Variants in CTNNA1 observed in about 807,000 individuals in gnomAD.
CTNNA1 encodes the protein catenin alpha 1, also known as catenin alpha-1.
In CTNNA1, 37 loss-of-function variants were observed where a neutral mutation model predicts 98.4. The observed-to-expected ratio is 0.38, with a 90% confidence interval of 0.29 to 0.49. The LOEUF (loss-of-function observed/expected upper bound fraction) is 0.49. CTNNA1 is among the 20% of genes least tolerant of loss of function. CTNNA1 has a pLI of 0.95. For missense variants in CTNNA1, 761 were observed against 1,147.2 expected (o/e 0.66, Z 4.86); for synonymous variants, 404 against 413.2 (o/e 0.98, Z 0.27).
chr5:138,841,406 C>G (rs1762258389), intron 7 of CTNNA1, among the ~76,000 whole-genome samples: 1 of 151,992 alleles, frequency 6.6e-6, no homozygotes, highest in Non-Finnish European at 1.5e-5. Context: ...ATTACAGGCG[C>G]CCGCTACCAC....
chr5:138,811,702 G>A (rs965078188), intron 4 of CTNNA1, among the ~76,000 whole-genome samples: 2 of 151,996 alleles, frequency 1.3e-5, no homozygotes, highest in Admixed American at 6.6e-5. Context: ...GATCACTCGC[G>A]GTTAGGAGCT....
chr5:138,771,051 A>T (rs2149605464), intron 1 of CTNNA1, among the ~76,000 whole-genome samples: 1 of 151,874 alleles, frequency 6.6e-6, no homozygotes, highest in African/African-American at 2.4e-5. Flanking sequence ...TTTTCTTCCT[A>T]GCTCTCATAC....
intron 11 of CTNNA1, among the ~76,000 whole-genome samples, chr5:138,924,285 T>G (rs554175473): frequency 1.0e-4 from 14 of 137,838 alleles, no homozygotes; most frequent in Non-Finnish European, 1.1e-4. Context: ...ATTTTTTGTT[T>G]TTTTTTTTTT....
chr5:138,904,490 T>C, intron 10 of CTNNA1, 49 bp downstream of exon 10: 1 of 1,584,158 alleles, frequency 6.3e-7, no homozygotes. Flanking sequence ...TAAATTTTGA[T>C]TCAAGTGGAG....
At chr5:138,828,100 T>C (rs1244137085) in intron 7 of CTNNA1, 1 of 185,690 alleles carries the variant, frequency 5.4e-6, no homozygotes, top group Admixed American at 5.3e-5. Flanking sequence ...GCTTCACCTC[T>C]AATATTTTAG....
Position 138,929,416 on chromosome 5 carries a change from CTT to C in CTNNA1, c.2010+61_2010+62del. The C allele has an allele frequency of 4.7e-6, 4 of 847,582 alleles. No individual in the cohort carries two copies. In the South Asian group the frequency reaches 5.6e-5, roughly 12 times the overall value. 52.5% of individuals were successfully genotyped at this position (847,582 alleles called of 1,614,324 possible). On this transcript the variant is annotated intron_variant, in intron 14 of 17. Coordinates refer to ENST00000302763, the MANE Select transcript of CTNNA1 (RefSeq NM_001903.5). Reference sequence around the variant, plus strand: ...GCTGCCGACTTTCCCTGTCCCCTTTCTTGTTTCCAGGAAAACACCCTCAGTAT... The same window carrying C: ...GCTGCCGACTTTCCCTGTCCCCTTTCGTTTCCAGGAAAACACCCTCAGTAT...
intron 10 of CTNNA1, among the ~76,000 whole-genome samples, chr5:138,908,999 T>C (rs1289235551): frequency 6.6e-6 from 1 of 152,128 alleles, no homozygotes; most frequent in Non-Finnish European, 1.5e-5. Context: ...TTTTAGTCTA[T>C]AGTAGCTGCT....
At chr5:138,789,949 A>T (rs971606087) in intron 3 of CTNNA1, among the ~76,000 whole-genome samples, 5 of 152,142 alleles carry the variant, frequency 3.3e-5, no homozygotes, top group Non-Finnish European at 7.4e-5. Flanking sequence ...TAGAAACTGA[A>T]ATTTGTCTCT....
chr5:138,756,780 C>T (rs949224573), intron 1 of CTNNA1, among the ~76,000 whole-genome samples: 2 of 152,040 alleles, frequency 1.3e-5, no homozygotes. Context: ...AAGACTCCTG[C>T]TAGTGCTTGG....
chr5:138,784,660 A>T (rs1161068857), intron 3 of CTNNA1, among the ~76,000 whole-genome samples: 1 of 152,220 alleles, frequency 6.6e-6, no homozygotes, highest in Non-Finnish European at 1.5e-5. Context: ...ATAGAAATTT[A>T]TTCTCTCATC....
chr5:138,760,153 C>T (rs1427764254), intron 1 of CTNNA1, among the ~76,000 whole-genome samples: 1 of 148,528 alleles, frequency 6.7e-6, no homozygotes, highest in East Asian at 2.1e-4. Context: ...GCCACCATGC[C>T]TGGCTAATTT....
chr5:138,904,276 A>C, intron 9 of CTNNA1, 73 bp from the exon 10 acceptor site: 1 of 1,507,954 alleles, frequency 6.6e-7, no homozygotes, highest in South Asian at 1.3e-5. Flanking sequence ...GGTCAGAGGT[A>C]GGGCCAGGTG....
At chr5:138,895,812 T>C (rs1756674288) in intron 9 of CTNNA1, among the ~76,000 whole-genome samples, 1 of 152,212 alleles carries the variant, frequency 6.6e-6, no homozygotes, top group African/African-American at 2.4e-5. Flanking sequence ...GAAATGAAAG[T>C]TGAACAAAAG....
chr5:138,796,499 G>A (rs1323987316), intron 3 of CTNNA1, among the ~76,000 whole-genome samples: 2 of 151,392 alleles, frequency 1.3e-5, no homozygotes, highest in Non-Finnish European at 2.9e-5. Context: ...AGCCTAGATC[G>A]CGCCACTGCA....
In CTNNA1 at chr5:138,904,552, G is replaced by A. The variant is rs529181199; in HGVS notation, c.1389+111G>A. 5.1e-5 allele frequency: 70 copies of A among 1,378,634 alleles called. No individual in the cohort carries two copies. The African/African-American group carries it at 7.9e-4, about 15-fold the overall frequency. 85.4% of individuals were successfully genotyped at this position (1,378,634 alleles called of 1,614,324 possible). ...TTTGTTTTTAGGATTTTAGATGGAA[G>A]TCTTGGGGACAGATCACTGACACAG... On this transcript the variant is annotated intron_variant, in intron 10 of 17. Coordinates refer to ENST00000302763, the MANE Select transcript of CTNNA1 (RefSeq NM_001903.5).
intron 7 of CTNNA1, among the ~76,000 whole-genome samples, chr5:138,855,012 A>G (rs1763597995): frequency 6.6e-6 from 1 of 152,228 alleles, no homozygotes; most frequent in South Asian, 2.1e-4. Context: ...CACCAAACCC[A>G]TGATTGGCTT....
Position 138,763,509 on chromosome 5 carries a change from A to G in CTNNA1, c.-3+9999A>G, listed in dbSNP as rs142909966. Among the ~76,000 whole-genome samples, 651 of 152,176 alleles carry G rather than the reference A, an allele frequency of 4.3e-3. 8 individuals are homozygous for G. The highest frequency in any genetic ancestry group is 2.0e-3 in the Non-Finnish European group (135 of 68,006). ...AGGTGTGTACTACGACACCCAGCTAATTTTTTACATTTTTAGTAGAGACAG... is the reference window on the plus strand; with the variant it reads ...AGGTGTGTACTACGACACCCAGCTAGTTTTTTACATTTTTAGTAGAGACAG... On this transcript the variant is annotated intron_variant, in intron 1 of 17. Transcript: ENST00000302763.
At position 138,812,252 on chromosome 5, in the gene CTNNA1, C is replaced by G. The variant is rs750396607; in HGVS notation, c.538C>G (p.Leu180Val). 1 of 1,613,864 alleles carries G rather than the reference C, an allele frequency of 6.2e-7. No homozygotes were observed. Among genetic ancestry groups the G allele is most frequent in the Non-Finnish European group, 8.5e-7 (1 of 1,179,912 alleles). ...AGACTTAGGAATCCAGTATAAAGCC[C>G]TAAAACCTGAAGTGGATAAGCTGAA... ...EQDLGIQYKA[L>V]KPEVDKLNIM... is the part of the protein sequence containing the mutation. The change falls in exon 5 of 18, where the codon CTA (leucine) becomes GTA (valine). Residue 180 changes from leucine (L) to valine (V), a missense_variant. This residue lies in a region of CTNNA1 where 328 missense variants were observed against 354.3 expected (regional missense o/e 0.93). Coordinates refer to ENST00000302763, the MANE Select transcript of CTNNA1 (RefSeq NM_001903.5).
At chr5:138,876,323 T>G (rs945700057) in intron 7 of CTNNA1, among the ~76,000 whole-genome samples, 1 of 152,222 alleles carries the variant, frequency 6.6e-6, no homozygotes, top group African/African-American at 2.4e-5. Context: ...CTGCTGTTGT[T>G]AGAACCTGTC....
Sources: gnomAD v4.1 joint callset for allele counts (sites outside exome capture counted in the v4.1 genomes callset) on GRCh38, gnomAD v4.1.1 for gene constraint, gnomAD v4.1.1 regional missense constraint, MANE v1.5 for transcripts, NCBI Gene and HGNC (gene_info 2026-07-23, HGNC 2026-07-21) for gene names.